The following GRIP1 variants were observed in gnomAD, a reference collection of about 807,000 sequenced individuals.
GRIP1 encodes the protein glutamate receptor interacting protein 1, also known as glutamate receptor-interacting protein 1.
GRIP1 carries 45 observed loss-of-function variants against 129.9 expected under a neutral mutation model. The observed-to-expected ratio is 0.35, with a 90% CI of 0.27 to 0.44. GRIP1 has a LOEUF of 0.44. Ranked by LOEUF, GRIP1 falls within the 20% of genes least tolerant of loss-of-function variation. The pLI is 1.00. For synonymous variants in GRIP1, 530 were observed against 520.8 expected (o/e 1.02, Z -0.24); for missense variants, 1,196 against 1,396.8 (o/e 0.86, Z 2.29).
rs371211164 is a variant in GRIP1, at chr12:66,371,729, C to T, written c.2977G>A (p.Glu993Lys). ...TLRKMKQEIK[E>K]IMSPTPVELH... ...TCCACAGGAGTTGGAGACATGATCTCCTTTATTTCTTGTTTCATTTTTCTC... is the reference window on the plus strand; with the variant it reads ...TCCACAGGAGTTGGAGACATGATCTTCTTTATTTCTTGTTTCATTTTTCTC... The change falls in exon 23 of 25, where the codon GAG becomes AAG. Residue 993 changes from glutamate to lysine, a missense_variant. Physicochemically the swap from Glu to Lys is moderately conservative, Grantham distance 56 (BLOSUM62 1). Coordinates refer to ENST00000359742, the MANE Select transcript of GRIP1 (RefSeq NM_001366722.1). 7.0e-5 allele frequency: 113 copies of T among 1,613,350 alleles called. No homozygotes were observed. Among genetic ancestry groups the T allele is most frequent in the Non-Finnish European group, 9.3e-5 (110 of 1,179,426 alleles).
chr12:66,804,344 G>A (rs571129306), upstream of GRIP1, among the ~76,000 whole-genome samples: 3 of 152,130 alleles, frequency 2.0e-5, no homozygotes, highest in African/African-American at 7.2e-5. Flanking sequence ...GGCGACTTTG[G>A]CCATCGGAGG....
At chr12:67,040,814 C>T (rs1397426540) in intron 1 of GRIP1, among the ~76,000 whole-genome samples, 1 of 152,204 alleles carries the variant, frequency 6.6e-6, no homozygotes, top group African/African-American at 2.4e-5. Flanking sequence ...GTCAATTTGG[C>T]TGGACCACAG....
chr12:66,550,434 T>A (rs1158142854), intron 2 of GRIP1, among the ~76,000 whole-genome samples: 1 of 152,210 alleles, frequency 6.6e-6, no homozygotes, highest in East Asian at 1.9e-4. Flanking sequence ...TATATTTTGA[T>A]TGTTATGAAT....
chr12:67,060,024 A>C (rs1440555589), intron 1 of GRIP1, among the ~76,000 whole-genome samples: 1 of 152,198 alleles, frequency 6.6e-6, no homozygotes, highest in Non-Finnish European at 1.5e-5. Context: ...GGTGCTATGG[A>C]ACCCCATGCC....
chr12:66,901,919 A>G (rs552972758), intron 1 of GRIP1, among the ~76,000 whole-genome samples: 8 of 152,384 alleles, frequency 5.2e-5, no homozygotes, highest in African/African-American at 1.9e-4. Flanking sequence ...TCTCAAAATT[A>G]TAATGCATTC....
chr12:66,833,383 C>T (rs1481629691), intron 1 of GRIP1, among the ~76,000 whole-genome samples: 1 of 152,132 alleles, frequency 6.6e-6, no homozygotes, highest in Non-Finnish European at 1.5e-5. Flanking sequence ...TGAGAAAGTC[C>T]CCACCATTCC....
At chr12:66,995,105 T>G (rs1033530761) in intron 1 of GRIP1, among the ~76,000 whole-genome samples, 1 of 151,792 alleles carries the variant, frequency 6.6e-6, no homozygotes, top group African/African-American at 2.4e-5. Context: ...AAACAGTAAT[T>G]TCAACAAATG....
intron 1 of GRIP1, among the ~76,000 whole-genome samples, chr12:66,870,849 A>G (rs1269395591): frequency 6.6e-6 from 1 of 152,090 alleles, no homozygotes; most frequent in African/African-American, 2.4e-5. Flanking sequence ...CTACATGCCA[A>G]TTTGGTCTCC....
At chr12:66,578,232 G>GTTTTTTTT (rs547352236) in intron 2 of GRIP1, among the ~76,000 whole-genome samples, 2,633 of 102,368 alleles carry the variant, frequency 0.026, 214 homozygotes, top group African/African-American at 0.076. Context: ...CAAAACCGCG[G>GTTTTTTTT]TTTTTTTTTT....
intron 16 of GRIP1, among the ~76,000 whole-genome samples, chr12:66,397,337 AC>A (rs1487301433): frequency 6.6e-6 from 1 of 150,820 alleles, no homozygotes; most frequent in African/African-American, 2.4e-5. Context: ...CATGTCCAAA[AC>A]CCCGTCTCTA....
intron 1 of GRIP1, among the ~76,000 whole-genome samples, chr12:66,695,910 G>T (rs1482962898): frequency 6.6e-6 from 1 of 152,180 alleles, no homozygotes; most frequent in East Asian, 1.9e-4. Flanking sequence ...CACAGAGGAG[G>T]TGGGACTGGA....
At chr12:66,758,063 C>A (rs1039770018) in intron 1 of GRIP1, among the ~76,000 whole-genome samples, 3 of 151,800 alleles carry the variant, frequency 2.0e-5, no homozygotes, top group Non-Finnish European at 4.4e-5. Context: ...GTGAAAAAAA[C>A]AACATATATT....
intron 20 of GRIP1, among the ~76,000 whole-genome samples, chr12:66,378,066 ATATAC>A (rs1226410929): frequency 6.6e-6 from 1 of 152,108 alleles, no homozygotes; most frequent in African/African-American, 2.4e-5. Flanking sequence ...AAATGGTAAA[ATATAC>A]TTTGCTGAAA....
chr12:66,454,903 A>G (rs1030496413), intron 11 of GRIP1, among the ~76,000 whole-genome samples: 3 of 152,208 alleles, frequency 2.0e-5, no homozygotes, highest in African/African-American at 7.2e-5. Context: ...GTTCATATTT[A>G]TCATTGTTTT....
At chr12:66,659,322 T>C (rs1405972538) in intron 1 of GRIP1, among the ~76,000 whole-genome samples, 1 of 152,250 alleles carries the variant, frequency 6.6e-6, no homozygotes. Context: ...TGAAGCTCCA[T>C]GGATGCAGAG....
chr12:66,612,429 T>C (rs1228512003), intron 1 of GRIP1, among the ~76,000 whole-genome samples: 1 of 151,972 alleles, frequency 6.6e-6, no homozygotes, highest in Non-Finnish European at 1.5e-5. Flanking sequence ...GAGGCCTAGG[T>C]GGGAGGAATG....
chr12:66,546,420 G>A (rs532167633), intron 2 of GRIP1, among the ~76,000 whole-genome samples: 1 of 152,074 alleles, frequency 6.6e-6, no homozygotes, highest in East Asian at 1.9e-4. Context: ...AGCCTGGGAG[G>A]TCAAGGCTGC....
At chr12:66,987,072 A>T (rs534620534) in intron 1 of GRIP1, among the ~76,000 whole-genome samples, 2 of 152,228 alleles carry the variant, frequency 1.3e-5, no homozygotes, top group South Asian at 4.2e-4. Flanking sequence ...AGGGGTCAGA[A>T]GAAGGTGAAA....
At chr12:66,618,470 T>C (rs1174347993) in intron 1 of GRIP1, among the ~76,000 whole-genome samples, 2 of 152,070 alleles carry the variant, frequency 1.3e-5, no homozygotes, top group Non-Finnish European at 2.9e-5. Context: ...TTCTCATATG[T>C]TTTGAGCTTT....
Sources: allele counts gnomAD v4.1 joint callset (sites outside exome capture counted in the v4.1 genomes callset), GRCh38; gene constraint gnomAD v4.1.1; transcripts MANE v1.5; gene names NCBI Gene and HGNC (gene_info 2026-07-23, HGNC 2026-07-21).